Variants in EPHB2 observed in about 807,000 individuals in gnomAD.
The protein encoded by EPHB2 is ephrin type-B receptor 2.
In EPHB2, 18 loss-of-function variants were observed where a neutral mutation model predicts 96.4. The ratio of observed to expected loss-of-function variants is 0.19; its 90% CI spans 0.13 to 0.28. The LOEUF (loss-of-function observed/expected upper bound fraction) is 0.28, where lower values mean the gene tolerates loss of function less well. Ranked by LOEUF, EPHB2 falls within the 10% of genes least tolerant of loss-of-function variation. EPHB2 has a pLI of 1.00. For synonymous variants in EPHB2, 506 were observed against 534.1 expected (o/e 0.95, Z 0.72); for missense variants, 989 against 1,355.4 (o/e 0.73, Z 4.25).
At chr1:22,802,045 G>C (rs1171616965) in intron 3 of EPHB2, among the ~76,000 whole-genome samples, 1 of 152,152 alleles carries the variant, frequency 6.6e-6, no homozygotes. Context: ...ATTAGCTGCT[G>C]GGGGGTGGGG....
At chr1:22,808,704 A>G (rs774713642) in intron 3 of EPHB2, among the ~76,000 whole-genome samples, 3 of 152,256 alleles carry the variant, frequency 2.0e-5, no homozygotes, top group Non-Finnish European at 4.4e-5. Context: ...ATGTATATTT[A>G]ATTCCCGTAA....
At chr1:22,756,595 G>A (rs1320585046) in intron 1 of EPHB2, among the ~76,000 whole-genome samples, 6 of 152,124 alleles carry the variant, frequency 3.9e-5, no homozygotes, top group East Asian at 1.9e-4. Context: ...CGGGGGCAGC[G>A]GGCGTGTGAG....
intron 1 of EPHB2, among the ~76,000 whole-genome samples, chr1:22,754,897 G>A (rs1644122988): frequency 1.2e-5 from 1 of 81,566 alleles, no homozygotes; most frequent in Non-Finnish European, 2.6e-5. Flanking sequence ...GCGAGGGGCA[G>A]AGGAGGTGAG....
intron 3 of EPHB2, among the ~76,000 whole-genome samples, chr1:22,826,984 A>G (rs1645233814): frequency 6.6e-6 from 1 of 152,166 alleles, no homozygotes; most frequent in Non-Finnish European, 1.5e-5. Flanking sequence ...CCTCCAGTTG[A>G]TCTTTGCTTT....
chr1:22,848,573 A>G (rs1481834076), intron 3 of EPHB2, among the ~76,000 whole-genome samples: 1 of 152,184 alleles, frequency 6.6e-6, no homozygotes, highest in Non-Finnish European at 1.5e-5. Flanking sequence ...GGTGGCTGCC[A>G]AGCCACATCT....
At chr1:22,901,463 A>G (rs1435940316) in intron 9 of EPHB2, among the ~76,000 whole-genome samples, 1 of 152,228 alleles carries the variant, frequency 6.6e-6, no homozygotes, top group Non-Finnish European at 1.5e-5. Flanking sequence ...AACTCTGTAC[A>G]CTGGTTCCTC....
chr1:22,739,950 T>C (rs12730314), intron 1 of EPHB2, among the ~76,000 whole-genome samples: 41,280 of 152,196 alleles, frequency 0.27, 6,000 homozygotes, highest in Middle Eastern at 0.37. Context: ...CCTCGTCGGC[T>C]CAGACTAGGA....
At chr1:22,736,005 A>G (rs1486274351) in intron 1 of EPHB2, among the ~76,000 whole-genome samples, 1 of 152,186 alleles carries the variant, frequency 6.6e-6, no homozygotes, top group African/African-American at 2.4e-5. Context: ...GTGACTTTCG[A>G]TAGGCTCTTT....
At chr1:22,803,645 G>GTATA (rs1237501755) in intron 3 of EPHB2, among the ~76,000 whole-genome samples, 15 of 3,438 alleles carry the variant, frequency 4.4e-3, no homozygotes, top group African/African-American at 7.4e-3. Context: ...ATATATATGT[G>GTATA]TATATATATA....
intron 1 of EPHB2, among the ~76,000 whole-genome samples, chr1:22,711,789 G>A (rs1010221634): frequency 8.5e-5 from 13 of 152,082 alleles, no homozygotes; most frequent in African/African-American, 3.1e-4. Context: ...GCCGGGGCCG[G>A]ACCAGATGCT....
chr1:22,797,970 AC>A (rs1424747254), intron 3 of EPHB2, among the ~76,000 whole-genome samples: 1 of 152,104 alleles, frequency 6.6e-6, no homozygotes, highest in Admixed American at 6.6e-5. Context: ...TTATACAGGC[AC>A]GCAGCCTGTC....
At chr1:22,886,210 G>A (rs550943295) in intron 6 of EPHB2, among the ~76,000 whole-genome samples, 31 of 152,318 alleles carry the variant, frequency 2.0e-4, no homozygotes, top group African/African-American at 6.5e-4. Context: ...CACCAAACGC[G>A]CAGGTGGGAA....
chr1:22,884,877 T>C (rs1004553318), intron 6 of EPHB2, among the ~76,000 whole-genome samples: 2 of 152,176 alleles, frequency 1.3e-5, no homozygotes, highest in African/African-American at 4.8e-5. Flanking sequence ...ATCACAATTA[T>C]CATTTTTTAA....
chr1:22,875,994 A>G lies in EPHB2; in HGVS notation c.1304-6365A>G, dbSNP rs1247062441. Among the ~76,000 whole-genome samples the G allele has an allele frequency of 6.6e-6, 1 of 152,092 alleles. No homozygotes were observed. Among genetic ancestry groups the G allele is most frequent in the African/African-American group, 2.4e-5 (1 of 41,434 alleles). ...AGGCTGCCAGTGTGGACAGCTTGGG[A>G]GAGAGGGGGCAGGCAGAGGGAGGTG... On this transcript the variant is annotated intron_variant, in intron 5 of 15. Coordinates refer to ENST00000374630, the MANE Select transcript of EPHB2 (RefSeq NM_017449.5). This position sits in a 1 kb window ranked among gnomAD's most constrained non-coding sequence, Gnocchi z 4.2.
chr1:22,841,708 C>T (rs567415264), intron 3 of EPHB2, among the ~76,000 whole-genome samples: 12 of 152,282 alleles, frequency 7.9e-5, no homozygotes, highest in Admixed American at 5.2e-4. Flanking sequence ...AGGGGGAGGC[C>T]ATGGCGAGAT....
intron 1 of EPHB2, among the ~76,000 whole-genome samples, chr1:22,774,976 G>A (rs999625618): frequency 2.0e-5 from 3 of 152,186 alleles, no homozygotes; most frequent in Admixed American, 6.5e-5. Flanking sequence ...TGGCATTCCT[G>A]CAATTGTACA....
Position 22,895,539 on chromosome 1 carries a change from C to A in EPHB2, c.1659C>A (p.Val553=), listed in dbSNP as rs1422737503. The A allele has an allele frequency of 6.2e-7, 1 of 1,614,140 alleles. No homozygotes were observed. The highest frequency in any genetic ancestry group is 8.5e-7 in the Non-Finnish European group (1 of 1,180,048). The change falls in exon 8 of 16, where the codon GTC becomes GTA. Residue 553 remains valine, a synonymous_variant. Coordinates refer to ENST00000374630, the MANE Select transcript of EPHB2 (RefSeq NM_017449.5). The part of the protein sequence containing the change: ...LIIGSSAAGL[V]FLIAVVVIAI... ...TCGGCTCCTCGGCCGCTGGCCTGGT[C>A]TTCCTCATTGCTGTGGTTGTCATCG...
At chr1:22,804,033 A>G (rs934779633) in intron 3 of EPHB2, among the ~76,000 whole-genome samples, 5 of 152,174 alleles carry the variant, frequency 3.3e-5, no homozygotes, top group Non-Finnish European at 7.4e-5. Context: ...ATCTTCACCA[A>G]TCCCTGGGAG....
rs376956594 is a variant in EPHB2, at chr1:22,869,685, A to T, written c.1303+4473A>T. Among the ~76,000 whole-genome samples the T allele has an allele frequency of 2.1e-4, 32 of 152,258 alleles. 1 individual carries two copies. In the East Asian group the frequency reaches 5.4e-3, roughly 26 times the overall value. On this transcript the variant is annotated intron_variant, in intron 5 of 15. Coordinates refer to ENST00000374630, the MANE Select transcript of EPHB2 (RefSeq NM_017449.5). ...TAAGTATCAGGTTCCCCTGACGCAGAGTCTTGGCACATGCTGTTCCCTCTG... is the reference window on the plus strand; with the variant it reads ...TAAGTATCAGGTTCCCCTGACGCAGTGTCTTGGCACATGCTGTTCCCTCTG...
Sources: allele counts gnomAD v4.1 joint callset (sites outside exome capture counted in the v4.1 genomes callset), GRCh38; gene constraint gnomAD v4.1.1; non-coding constraint Gnocchi (gnomAD v3.1); transcripts MANE v1.5; gene names NCBI Gene and HGNC (gene_info 2026-07-23, HGNC 2026-07-21).